The following SASH1 variants were observed in gnomAD, a reference collection of about 807,000 sequenced individuals.
SASH1 encodes the protein SAM and SH3 domain-containing protein 1.
Under a neutral mutation model 125.2 loss-of-function variants are expected in SASH1, and 44 were observed. The ratio of observed to expected loss-of-function variants is 0.35; its 90% CI spans 0.28 to 0.45. SASH1 has a LOEUF of 0.45. Ranked by LOEUF, SASH1 falls within the 20% of genes least tolerant of loss-of-function variation. The probability of loss-of-function intolerance (pLI) is 1.00; values close to 1 mark genes in which losing one functional copy is unlikely to be tolerated. For missense variants in SASH1, 1,426 were observed against 1,614.5 expected, an observed-to-expected ratio of 0.88 and a Z score of 2.00; for synonymous variants, 639 against 649.1, an observed-to-expected ratio of 0.98 and a Z score of 0.24.
At chr6:148,283,211 A>G (rs1779391144) in intron 1 of SASH1, 1 of 152,290 alleles carries the variant, frequency 6.6e-6, no homozygotes, top group South Asian at 2.1e-4. Context: ...GGACAGGGAC[A>G]AAGAGCAGAA....
intron 1 of SASH1, among the ~76,000 whole-genome samples, chr6:148,360,639 C>CG (rs1336504448): frequency 7.9e-6 from 1 of 126,288 alleles, no homozygotes; most frequent in East Asian, 2.2e-4. Context: ...GTGAGCCACC[C>CG]CCCCGCCAGG....
intron 2 of SASH1, among the ~76,000 whole-genome samples, chr6:148,398,055 G>A (rs1190821686): frequency 6.6e-6 from 1 of 152,108 alleles, no homozygotes; most frequent in African/African-American, 2.4e-5. Flanking sequence ...TGGACCGTGG[G>A]GAGTAACTTC....
chr6:148,379,734 G>A (rs552023596), intron 1 of SASH1, among the ~76,000 whole-genome samples: 1 of 152,248 alleles, frequency 6.6e-6, no homozygotes, highest in Non-Finnish European at 1.5e-5. Flanking sequence ...TCCATTCCCA[G>A]TTTTCATAAA....
intron 1 of SASH1, among the ~76,000 whole-genome samples, chr6:148,319,022 CTTTTTTT>C (rs10695657): frequency 0.011 from 720 of 66,600 alleles, 3 homozygotes; most frequent in African/African-American, 0.029. Context: ...CATTTATCTT[CTTTTTTT>C]TTTTTTTTTT....
At chr6:148,523,905 G>A (rs913246193) in intron 10 of SASH1, among the ~76,000 whole-genome samples, 3 of 151,966 alleles carry the variant, frequency 2.0e-5, no homozygotes, top group Admixed American at 6.6e-5. Context: ...CAGGCAGTGC[G>A]CTAGAAGGCT....
rs200112938 is a variant in SASH1 at position 148,519,270 on chromosome 6, G to C, written c.863-277G>C. On this transcript the variant is annotated intron_variant, in intron 9 of 19. Transcript: ENST00000367467. The surrounding 1 kb of genome is among the most constrained non-coding windows in gnomAD (Gnocchi z 4.8). ...CTAAGGCATATTGTGATTATGGCTA[G>C]CTTAGATTTTGCAAACGGCATTTTA... 1.3e-5 allele frequency among the ~76,000 whole-genome samples: 2 copies of C among 152,204 alleles called. No individual in the cohort carries two copies. The highest frequency in any genetic ancestry group is 4.8e-5 in the African/African-American group (2 of 41,450).
At chr6:148,430,971 C>T (rs1054980377) in intron 2 of SASH1, among the ~76,000 whole-genome samples, 2 of 152,108 alleles carry the variant, frequency 1.3e-5, no homozygotes, top group Admixed American at 6.5e-5. Context: ...AAAACCAAAC[C>T]AAACAAAACA....
intron 2 of SASH1, among the ~76,000 whole-genome samples, chr6:148,433,408 T>C (rs1464417331): frequency 4.8e-5 from 2 of 41,480 alleles, no homozygotes; most frequent in African/African-American, 2.5e-4. Flanking sequence ...TCTTTTTTCT[T>C]TTTTTTTTTT....
intron 2 of SASH1, among the ~76,000 whole-genome samples, chr6:148,399,214 C>CTTTTTTTTTTTTTTTTTTTTTTTTTTT (rs371374910): frequency 1.9e-5 from 2 of 106,662 alleles, no homozygotes; most frequent in Non-Finnish European, 3.7e-5. Context: ...ATTTCAGCTT[C>CTTTTTTTTTTTTTTTTTTTTTTTTTTT]TTTTTTTTTT....
chr6:148,345,306 G>T (rs1336383339), intron 1 of SASH1, among the ~76,000 whole-genome samples: 1 of 152,184 alleles, frequency 6.6e-6, no homozygotes, highest in Non-Finnish European at 1.5e-5. Context: ...TGGGTCAGTT[G>T]TAGTGGAGTG....
upstream of SASH1, among the ~76,000 whole-genome samples, chr6:148,268,391 G>T (rs890548965): frequency 6.6e-6 from 1 of 152,200 alleles, no homozygotes; most frequent in African/African-American, 2.4e-5. Context: ...ACATGGGAAA[G>T]ATAGGCAGAT....
intron 1 of SASH1, among the ~76,000 whole-genome samples, chr6:148,375,012 A>G (rs951668292): frequency 1.4e-5 from 2 of 141,124 alleles, no homozygotes; most frequent in African/African-American, 5.4e-5. Context: ...TTGTTTTTTG[A>G]GACAGGGTCT....
At chr6:148,372,923 G>A (rs1277045449) in intron 1 of SASH1, among the ~76,000 whole-genome samples, 14 of 152,118 alleles carry the variant, frequency 9.2e-5, no homozygotes, top group African/African-American at 3.1e-4. Flanking sequence ...GGCCGGGCAC[G>A]GTGGCTCACT....
intron 2 of SASH1, among the ~76,000 whole-genome samples, chr6:148,404,659 T>C (rs1166119863): frequency 5.8e-5 from 6 of 104,256 alleles, no homozygotes; most frequent in African/African-American, 2.3e-4. Flanking sequence ...ATCCCAGCCC[T>C]ATCGTACCCT....
At chr6:148,316,993 G>T (rs1340786617) in intron 1 of SASH1, among the ~76,000 whole-genome samples, 5 of 152,180 alleles carry the variant, frequency 3.3e-5, no homozygotes, top group Non-Finnish European at 5.9e-5. Context: ...ATGGTGATCA[G>T]ACATGGCACC....
chr6:148,449,189 C>T (rs1374209425), intron 4 of SASH1, among the ~76,000 whole-genome samples: 2 of 149,972 alleles, frequency 1.3e-5, no homozygotes, highest in Non-Finnish European at 3.0e-5. Context: ...CCTGCCTCAG[C>T]CTCTCGAGTA....
the SASH1 span, among the ~76,000 whole-genome samples, chr6:148,240,275 C>T: frequency 6.6e-6 from 1 of 151,882 alleles, no homozygotes; most frequent in South Asian, 2.1e-4. Context: ...ACACTTGGCC[C>T]GAGGTTGCAC....
the SASH1 span, among the ~76,000 whole-genome samples, chr6:148,243,091 G>A: frequency 7.9e-5 from 12 of 151,886 alleles, no homozygotes; most frequent in Admixed American, 3.9e-4. Context: ...TGAGACAGGC[G>A]AGTCACTTGA....
chr6:148,249,582 T>G, the SASH1 span, among the ~76,000 whole-genome samples: 3 of 152,216 alleles, frequency 2.0e-5, no homozygotes, highest in Non-Finnish European at 2.9e-5. Flanking sequence ...TTGACCGATT[T>G]ACCTTACCTC....
Sources: gnomAD v4.1 joint callset for allele counts (sites outside exome capture counted in the v4.1 genomes callset) on GRCh38, gnomAD v4.1.1 for gene constraint, Gnocchi (gnomAD v3.1) non-coding constraint, MANE v1.5 for transcripts, NCBI Gene and HGNC (gene_info 2026-07-23, HGNC 2026-07-21) for gene names.